The following SMURF1 variants were observed in gnomAD, a reference collection of about 807,000 sequenced individuals.
The protein encoded by SMURF1 is E3 ubiquitin-protein ligase SMURF1.
SMURF1 carries 44 observed loss-of-function variants against 98.0 expected under a neutral mutation model. The ratio of observed to expected loss-of-function variants is 0.45; its 90% confidence interval spans 0.35 to 0.58. The LOEUF (loss-of-function observed/expected upper bound fraction) is 0.58. Ranked by LOEUF, SMURF1 falls within the 20% of genes least tolerant of loss-of-function variation. The pLI is 0.00. For missense variants in SMURF1, 687 were observed against 938.4 expected, an observed-to-expected ratio of 0.73 and a Z score of 3.50; for synonymous variants, 396 against 374.9, an observed-to-expected ratio of 1.06 and a Z score of -0.65.
At chr7:99,116,710 C>T (rs1419835172) in intron 1 of SMURF1, among the ~76,000 whole-genome samples, 1 of 152,152 alleles carries the variant, frequency 6.6e-6, no homozygotes, top group African/African-American at 2.4e-5. Context: ...AAACTGAAGA[C>T]TTAGACATCC....
intron 16 of SMURF1, 124 bp downstream of exon 16, chr7:99,035,391 A>C (rs1795096418): frequency 5.3e-6 from 6 of 1,138,842 alleles, no homozygotes; most frequent in Admixed American, 2.1e-5. Flanking sequence ...TAGCTACTGG[A>C]GAACATTCCT....
chr7:99,097,467 G>A (rs1796979542), intron 1 of SMURF1, among the ~76,000 whole-genome samples: 1 of 152,210 alleles, frequency 6.6e-6, no homozygotes, highest in Non-Finnish European at 1.5e-5. Flanking sequence ...CGCATGAATG[G>A]ATTGATGACA....
intron 3 of SMURF1, among the ~76,000 whole-genome samples, chr7:99,059,165 C>T (rs1211948347): frequency 1.3e-5 from 2 of 150,802 alleles, no homozygotes; most frequent in Admixed American, 6.6e-5. Flanking sequence ...TTTGGGAGGC[C>T]GAGGCGGGCG....
At chr7:99,035,906 T>G (rs1430138113) in intron 15 of SMURF1, 190 bp from the exon 16 acceptor site, 15 of 615,564 alleles carry the variant, frequency 2.4e-5, no homozygotes, top group Non-Finnish European at 4.0e-5. Context: ...TCCGTCCGCC[T>G]CCTCCAAACG....
At chr7:99,102,832 T>G (rs987653250) in intron 1 of SMURF1, among the ~76,000 whole-genome samples, 3 of 152,124 alleles carry the variant, frequency 2.0e-5, no homozygotes, top group Non-Finnish European at 2.9e-5. Context: ...GGTTTTTTTG[T>G]TTTTTTGTTT....
chr7:99,045,236 T>C (rs1795534897), intron 11 of SMURF1, among the ~76,000 whole-genome samples: 1 of 152,218 alleles, frequency 6.6e-6, no homozygotes, highest in Non-Finnish European at 1.5e-5. Flanking sequence ...TAATATCATT[T>C]TCTTGAATTA....
chr7:99,136,389 G>A (rs1268732706), intron 1 of SMURF1, among the ~76,000 whole-genome samples: 1 of 152,044 alleles, frequency 6.6e-6, no homozygotes, highest in African/African-American at 2.4e-5. Context: ...ACAGATTGTT[G>A]TTCCTAGTTT....
chr7:99,036,866 C>T (rs1193496727), intron 15 of SMURF1, among the ~76,000 whole-genome samples: 1 of 152,164 alleles, frequency 6.6e-6, no homozygotes, highest in Non-Finnish European at 1.5e-5. Flanking sequence ...TACCGCCAAG[C>T]AGACATCTCG....
At chr7:99,077,214 C>T (rs1796482204) in intron 1 of SMURF1, among the ~76,000 whole-genome samples, 1 of 151,650 alleles carries the variant, frequency 6.6e-6, no homozygotes, top group South Asian at 2.1e-4. Flanking sequence ...ATATGAAAAA[C>T]ATTTATGAGG....
intron 1 of SMURF1, among the ~76,000 whole-genome samples, chr7:99,063,259 AT>A (rs1796094015): frequency 9.5e-4 from 6 of 6,316 alleles, no homozygotes; most frequent in Middle Eastern, 0.062. Flanking sequence ...ATATATATAT[AT>A]ATATATATAT....
In SMURF1 at chr7:99,038,909, C is replaced by T. The variant is rs188617085; in HGVS notation, c.1551-384G>A. On this transcript the variant is annotated intron_variant, in intron 13 of 17. Coordinates refer to ENST00000361368, the MANE Select transcript of SMURF1 (RefSeq NM_181349.3). ...GAAGCCATGCCAAGAAAATACTGTG[C>T]CTGGCCAGGTACAGCGGCTTACACC... Among the ~76,000 whole-genome samples the T allele has an allele frequency of 9.8e-3, 1,497 of 152,118 alleles. 8 individuals carry two copies. The highest frequency in any genetic ancestry group is 0.016 in the Non-Finnish European group (1,060 of 67,990).
At chr7:99,096,480 AG>A (rs1037450986) in intron 1 of SMURF1, among the ~76,000 whole-genome samples, 22 of 152,252 alleles carry the variant, frequency 1.4e-4, no homozygotes, top group Non-Finnish European at 7.3e-5. Flanking sequence ...TGGGAGGAAA[AG>A]ATATGCCATG....
chr7:99,106,081 C>T lies in SMURF1; in HGVS notation c.55+37645G>A, dbSNP rs146477945. The stretch of plus-strand genomic sequence containing the variant: ...CCTCTCTCCATACTTCTGTGATTCT[C>T]TTCACCATTCCATCTTTCCCTTCCC... On this transcript the variant is annotated intron_variant, in intron 1 of 17. Coordinates refer to ENST00000361368, the MANE Select transcript of SMURF1 (RefSeq NM_181349.3). Among the ~76,000 whole-genome samples the T allele has an allele frequency of 5.3e-5, 8 of 152,338 alleles. No individual in the cohort carries two copies. In the East Asian group the frequency reaches 1.5e-3, roughly 29 times the overall value.
intron 13 of SMURF1, among the ~76,000 whole-genome samples, chr7:99,039,870 T>C (rs779658110): frequency 7.9e-5 from 12 of 152,160 alleles, no homozygotes; most frequent in Admixed American, 6.5e-4. Flanking sequence ...CTTAACAGAG[T>C]GTTTAGAATA....
At chr7:99,044,773 T>C (rs758771298) in intron 11 of SMURF1, among the ~76,000 whole-genome samples, 18 of 152,246 alleles carry the variant, frequency 1.2e-4, no homozygotes, top group Non-Finnish European at 2.4e-4. Context: ...CTTATGTATA[T>C]GCCCATAAAT....
chr7:99,060,602 T>C lies in SMURF1; in HGVS notation c.200A>G (p.Asp67Gly). 6.2e-7 allele frequency: 1 copy of C among 1,612,460 alleles called. No homozygotes were observed. The highest frequency in any genetic ancestry group is 8.5e-7 in the Non-Finnish European group (1 of 1,178,928). Reference protein sequence around the residue: ...TLDPKWNQHYDLYVGKTDSIT... With the variant: ...TLDPKWNQHYGLYVGKTDSIT... Reference sequence around the variant, plus strand: ...GCTTACAGAACATTCAACTCACAGATCATAGTGCTGGTTCCACTTTGGGTC... The same window carrying C: ...GCTTACAGAACATTCAACTCACAGACCATAGTGCTGGTTCCACTTTGGGTC... The change falls in exon 3 of 18, where the codon GAT becomes GGT. Residue 67 changes from aspartate (D) to glycine (G), a missense_variant. Coordinates refer to ENST00000361368, the MANE Select transcript of SMURF1 (RefSeq NM_181349.3).
rs187564737 is a variant in SMURF1, at chr7:99,051,465, A to G, written c.722-24T>C. The G allele has an allele frequency of 8.1e-5, 128 of 1,587,232 alleles. 1 individual carries two copies. Among genetic ancestry groups the G allele is most frequent in the Non-Finnish European group, 4.2e-5 (48 of 1,155,530 alleles). On this transcript the variant is annotated intron_variant, in intron 7 of 17. Transcript: ENST00000361368. ...TTCTACACAAGAAATTAGAGATCCA[A>G]ATGAGACAAGTTCAATTCCAGGGAG...
chr7:99,066,988 A>AT (rs772382345), intron 1 of SMURF1, among the ~76,000 whole-genome samples: 2,432 of 130,988 alleles, frequency 0.019, 40 homozygotes, highest in Non-Finnish European at 0.026. Flanking sequence ...TTGTATTTGG[A>AT]TTTTTTTTTC....
intron 1 of SMURF1, among the ~76,000 whole-genome samples, chr7:99,094,814 C>T (rs1796908620): frequency 6.6e-6 from 1 of 152,184 alleles, no homozygotes; most frequent in South Asian, 2.1e-4. Flanking sequence ...AGTTTCATGA[C>T]TAAAAGTTTC....
Sources: gnomAD v4.1 joint callset for allele counts (sites outside exome capture counted in the v4.1 genomes callset) on GRCh38, gnomAD v4.1.1 for gene constraint, MANE v1.5 for transcripts, NCBI Gene and HGNC (gene_info 2026-07-23, HGNC 2026-07-21) for gene names.